Variants in RAB11FIP1 observed in about 807,000 individuals in gnomAD.
The protein encoded by RAB11FIP1 is rab11 family-interacting protein 1.
A neutral mutation model predicts 83.1 loss-of-function variants in RAB11FIP1; 49 were observed. The ratio of observed to expected loss-of-function variants is 0.59; its 90% confidence interval spans 0.47 to 0.75. The LOEUF (loss-of-function observed/expected upper bound fraction) is 0.75. RAB11FIP1 is among the 30% of genes least tolerant of loss of function. The pLI is 0.00. For synonymous variants in RAB11FIP1, 670 were observed against 656.0 expected (o/e 1.02, Z -0.33); for missense variants, 1,536 against 1,598.7 (o/e 0.96, Z 0.67).
chr8:37,867,761 G>A (rs775225054), intron 5 of RAB11FIP1, among the ~76,000 whole-genome samples: 4 of 151,676 alleles, frequency 2.6e-5, no homozygotes, highest in Non-Finnish European at 4.4e-5. Context: ...AGGAAAGAAG[G>A]AAGGAAGGAA....
Position 37,899,337 on chromosome 8 carries a change from G to T in RAB11FIP1, c.105C>A (p.Pro35=). 1 of 1,608,438 alleles carries T rather than the reference G, an allele frequency of 6.2e-7. No individual in the cohort carries two copies. Among genetic ancestry groups the T allele is most frequent in the Non-Finnish European group, 8.5e-7 (1 of 1,178,244 alleles). The stretch of plus-strand genomic sequence containing the variant: ...CCGCGTACGCGTCGCTCGTGCCCCC[G>T]GGGCCCTTGGCCCGCAGGCCCCGCG... ...LQARGLRAKG[P]GGTSDAYAVI... is the part of the protein sequence containing the mutation. Residue 35 remains proline (P), a synonymous_variant, in exon 1 of 6, where the codon CCC becomes CCA. Coordinates refer to ENST00000330843, the MANE Select transcript of RAB11FIP1 (RefSeq NM_001002814.3). The surrounding 1 kb of genome is among the most constrained non-coding windows in gnomAD (Gnocchi z 4.5).
At chr8:37,863,859 C>T (rs188310571) in intron 5 of RAB11FIP1, among the ~76,000 whole-genome samples, 1 of 152,170 alleles carries the variant, frequency 6.6e-6, no homozygotes, top group Non-Finnish European at 1.5e-5. Context: ...ACTAGGAGCT[C>T]ACACAACCAA....
At chr8:37,866,269 A>G (rs940472715) in intron 5 of RAB11FIP1, among the ~76,000 whole-genome samples, 1 of 151,930 alleles carries the variant, frequency 6.6e-6, no homozygotes, top group African/African-American at 2.4e-5. Context: ...CGGGAGGCGG[A>G]GGTTGCAGTG....
At chr8:37,898,393 G>C (rs965337772) in intron 1 of RAB11FIP1, among the ~76,000 whole-genome samples, 1 of 151,734 alleles carries the variant, frequency 6.6e-6, no homozygotes, top group Non-Finnish European at 1.5e-5. Flanking sequence ...GGTGGCTCAC[G>C]CGTGTAATCC....
chr8:37,877,054 A>T (rs1181374009), intron 2 of RAB11FIP1, 55 bp downstream of exon 2: 5 of 1,273,212 alleles, frequency 3.9e-6, no homozygotes, highest in Non-Finnish European at 5.6e-6. Flanking sequence ...CTCTCTCAGA[A>T]CGAAGCATGG....
intron 5 of RAB11FIP1, among the ~76,000 whole-genome samples, chr8:37,869,519 G>A (rs1020791045): frequency 6.6e-6 from 1 of 152,130 alleles, no homozygotes; most frequent in Non-Finnish European, 1.5e-5. Flanking sequence ...TTAAACCCAG[G>A]AGGGGGAGGT....
intron 1 of RAB11FIP1, among the ~76,000 whole-genome samples, chr8:37,889,935 C>T (rs1442772777): frequency 6.6e-6 from 1 of 152,134 alleles, no homozygotes; most frequent in Non-Finnish European, 1.5e-5. Flanking sequence ...AGGTGCCCGC[C>T]ACCATACCTG....
chr8:37,892,952 G>C (rs528630907), intron 1 of RAB11FIP1, among the ~76,000 whole-genome samples: 7 of 152,264 alleles, frequency 4.6e-5, no homozygotes, highest in South Asian at 4.1e-4. Context: ...CTGCCTCAGA[G>C]AGGCTACCTG....
rs980686081 is a variant in RAB11FIP1 at position 37,899,331 on chromosome 8, G to A, written c.111C>T (p.Gly37=). 2.5e-6 allele frequency: 4 copies of A among 1,608,860 alleles called. No individual in the cohort carries two copies. Among genetic ancestry groups the A allele is most frequent in the Admixed American group, 3.3e-5 (2 of 59,854 alleles). The change falls in exon 1 of 6, where the codon GGC becomes GGT. Residue 37 remains glycine, a synonymous_variant. Coordinates refer to ENST00000330843, the MANE Select transcript of RAB11FIP1 (RefSeq NM_001002814.3). This position sits in a 1 kb window ranked among gnomAD's most constrained non-coding sequence, Gnocchi z 4.5. Reference sequence around the variant, plus strand: ...GGATCACCGCGTACGCGTCGCTCGTGCCCCCGGGGCCCTTGGCCCGCAGGC... The same window carrying A: ...GGATCACCGCGTACGCGTCGCTCGTACCCCCGGGGCCCTTGGCCCGCAGGC... ...ARGLRAKGPG[G]TSDAYAVIQV...
Position 37,862,882 on chromosome 8 carries a change from T to C in RAB11FIP1, c.*13A>G, listed in dbSNP as rs1389598430. 6.2e-7 allele frequency: 1 copy of C among 1,600,290 alleles called. No individual in the cohort carries two copies. ...AAGTCACAGAAACGTCTCGGTGTTT[T>C]TTTTCTGCTGATTTACATCTTTCCT... On this transcript the variant is annotated 3_prime_UTR_variant, in exon 6 of 6. Transcript: ENST00000330843.
At position 37,899,149 on chromosome 8, in the gene RAB11FIP1, A is replaced by C; in HGVS notation, c.293T>G (p.Leu98Arg). The part of the protein sequence containing the change: ...LQLTVLHRAL[L>R]GLDKFLGRAE... ...GCGGCCCAGGAACTTGTCGAGGCCG[A>C]GCAGCGCGCGGTGCAGCACGGTGAG... Residue 98 changes from leucine to arginine, a missense_variant, in exon 1 of 6, where the codon CTC becomes CGC. Leu to Arg is a moderately radical substitution (Grantham distance 102, BLOSUM62 -2). Transcript: ENST00000330843. This position sits in a 1 kb window ranked among gnomAD's most constrained non-coding sequence, Gnocchi z 4.5. 4.5e-6 allele frequency: 7 copies of C among 1,546,388 alleles called. No homozygotes were observed. The highest frequency in any genetic ancestry group is 6.1e-6 in the Non-Finnish European group (7 of 1,155,850).
chr8:37,874,452 G>T, intron 3 of RAB11FIP1, 63 bp downstream of exon 3: 1 of 1,326,926 alleles, frequency 7.5e-7, no homozygotes, highest in Non-Finnish European at 1.1e-6. Flanking sequence ...CTGGTCTAAC[G>T]TAAGCCTGAA....
chr8:37,871,771 C>A lies in RAB11FIP1; in HGVS notation c.3031G>T (p.Gly1011Ter). 1 of 1,613,992 alleles carries A rather than the reference C, an allele frequency of 6.2e-7. No individual in the cohort carries two copies. ...LGLVVPCPER[G>*]KGPSGEADRL... ...TCTGCCTCGCCACTGGGCCCCTTTC[C>A]CCTCTCAGGACAGGGGACTACCAAG... Residue 1011 changes from glycine (G) to a stop codon, truncating the protein, a stop_gained, in exon 4 of 6, where the codon GGA (glycine) becomes TGA (stop). Transcript: ENST00000330843. LOFTEE classifies it high-confidence loss of function.
Position 37,869,528 on chromosome 8 carries a change from G to A in RAB11FIP1, c.3633+892C>T, listed in dbSNP as rs1806407403. Among the ~76,000 whole-genome samples the A allele has an allele frequency of 3.3e-5, 5 of 152,202 alleles. No homozygotes were observed. In the South Asian group the frequency reaches 1.0e-3, roughly 32 times the overall value. On this transcript the variant is annotated intron_variant, in intron 5 of 5. Coordinates refer to ENST00000330843, the MANE Select transcript of RAB11FIP1 (RefSeq NM_001002814.3). ...AATCGCTTAAACCCAGGAGGGGGAG[G>A]TTGCAGTGAGCCGAGATTGCACCAC...
chr8:37,894,221 C>T (rs1032342788), intron 1 of RAB11FIP1, among the ~76,000 whole-genome samples: 2 of 152,028 alleles, frequency 1.3e-5, no homozygotes, highest in African/African-American at 2.4e-5. Flanking sequence ...TCTTAGGAAA[C>T]CTAAAGGTAT....
intron 5 of RAB11FIP1, among the ~76,000 whole-genome samples, chr8:37,869,729 C>G (rs1806412184): frequency 6.6e-6 from 1 of 152,094 alleles, no homozygotes; most frequent in African/African-American, 2.4e-5. Context: ...ATGCATACAC[C>G]TGCGTGTGTA....
chr8:37,892,232 T>C (rs753120777), intron 1 of RAB11FIP1, among the ~76,000 whole-genome samples: 2 of 152,122 alleles, frequency 1.3e-5, no homozygotes, highest in Non-Finnish European at 2.9e-5. Context: ...CCACCACCTC[T>C]GTCCACCTCC....
chr8:37,892,108 A>C (rs562235940), intron 1 of RAB11FIP1, among the ~76,000 whole-genome samples: 2 of 152,288 alleles, frequency 1.3e-5, no homozygotes, highest in Admixed American at 1.3e-4. Flanking sequence ...CACTTTCAAC[A>C]CCAAGCTCTC....
intron 5 of RAB11FIP1, among the ~76,000 whole-genome samples, chr8:37,864,331 G>A (rs1229818264): frequency 1.3e-5 from 2 of 152,188 alleles, no homozygotes; most frequent in African/African-American, 4.8e-5. Context: ...CACATGCTGT[G>A]TAAGTCCCCA....
Sources: allele counts gnomAD v4.1 joint callset (sites outside exome capture counted in the v4.1 genomes callset), GRCh38; gene constraint gnomAD v4.1.1; non-coding constraint Gnocchi (gnomAD v3.1); transcripts MANE v1.5; gene names NCBI Gene and HGNC (gene_info 2026-07-23, HGNC 2026-07-21).